The following GNAQ variants were observed in gnomAD, a reference collection of about 807,000 sequenced individuals.
GNAQ encodes the protein guanine nucleotide-binding protein G(q) subunit alpha.
GNAQ carries 8 observed loss-of-function variants against 43.9 expected under a neutral mutation model. The ratio of observed to expected loss-of-function variants is 0.18; its 90% CI spans 0.11 to 0.33. The LOEUF is 0.33. Ranked by LOEUF, GNAQ falls within the 10% of genes least tolerant of loss-of-function variation. The pLI is 1.00. For missense variants in GNAQ, 158 were observed against 450.8 expected (o/e 0.35, Z 5.88); for synonymous variants, 155 against 170.7 (o/e 0.91, Z 0.71).
chr9:77,725,115 A>G (rs1183819907), intron 6 of GNAQ, among the ~76,000 whole-genome samples: 1 of 151,918 alleles, frequency 6.6e-6, no homozygotes, highest in Non-Finnish European at 1.5e-5. Flanking sequence ...CCTACAGAAT[A>G]TAAGAACTAG....
At chr9:77,763,265 A>G (rs1826083533) in intron 5 of GNAQ, among the ~76,000 whole-genome samples, 1 of 152,162 alleles carries the variant, frequency 6.6e-6, no homozygotes, top group South Asian at 2.1e-4. Context: ...AAGGTAACCC[A>G]TGAAAAGGGA....
intron 1 of GNAQ, among the ~76,000 whole-genome samples, chr9:77,978,114 T>A (rs529962235): frequency 6.6e-6 from 1 of 152,234 alleles, no homozygotes; most frequent in East Asian, 1.9e-4. Context: ...AAAGTAAGTG[T>A]CTCTGGGCCC....
At chr9:77,860,295 T>A (rs1227014915) in intron 2 of GNAQ, among the ~76,000 whole-genome samples, 1 of 152,102 alleles carries the variant, frequency 6.6e-6, no homozygotes, top group Non-Finnish European at 1.5e-5. Flanking sequence ...AGACAGCCCA[T>A]CTTTCTGACT....
intron 1 of GNAQ, among the ~76,000 whole-genome samples, chr9:77,943,021 T>C (rs530291889): frequency 5.1e-4 from 78 of 152,360 alleles, no homozygotes; most frequent in South Asian, 4.1e-4. Flanking sequence ...CTGGGAATGA[T>C]GACTTCTTAA....
chr9:77,976,732 G>A (rs1362327638), intron 1 of GNAQ, among the ~76,000 whole-genome samples: 3 of 152,100 alleles, frequency 2.0e-5, no homozygotes, highest in South Asian at 2.1e-4. Context: ...TAAGCTTTTC[G>A]ATTAGTTGGC....
intron 5 of GNAQ, among the ~76,000 whole-genome samples, chr9:77,732,275 A>T (rs1241923568): frequency 6.6e-6 from 1 of 152,098 alleles, no homozygotes; most frequent in Non-Finnish European, 1.5e-5. Context: ...GACAGGTTTA[A>T]AGGCAGTCTG....
intron 1 of GNAQ, among the ~76,000 whole-genome samples, chr9:77,945,997 G>C (rs971013017): frequency 4.6e-5 from 7 of 152,150 alleles, no homozygotes; most frequent in Non-Finnish European, 8.8e-5. Context: ...GAAAATGCTA[G>C]CATGCCTTGC....
chr9:77,946,538 C>G (rs1355065552), intron 1 of GNAQ, among the ~76,000 whole-genome samples: 1 of 152,300 alleles, frequency 6.6e-6, no homozygotes, highest in South Asian at 2.1e-4. Flanking sequence ...CACAAACCAA[C>G]GTGCAAAACC....
intron 2 of GNAQ, among the ~76,000 whole-genome samples, chr9:77,844,804 C>T (rs987238995): frequency 2.6e-5 from 4 of 152,044 alleles, no homozygotes; most frequent in African/African-American, 9.7e-5. Context: ...TCCCGAGTAG[C>T]TGGGATTACA....
chr9:77,732,190 G>A (rs1052258238), intron 5 of GNAQ, among the ~76,000 whole-genome samples: 1 of 152,116 alleles, frequency 6.6e-6, no homozygotes, highest in Non-Finnish European at 1.5e-5. Flanking sequence ...AGAGCATGAC[G>A]TTTCAAGAGG....
At chr9:77,897,068 GCCAACCC>G (rs1828516062) in intron 2 of GNAQ, among the ~76,000 whole-genome samples, 1 of 152,204 alleles carries the variant, frequency 6.6e-6, no homozygotes, top group African/African-American at 2.4e-5. Flanking sequence ...TAGGAACTCT[GCCAACCC>G]GCCCCTTTGC....
At chr9:77,891,909 T>C (rs1196162240) in intron 2 of GNAQ, among the ~76,000 whole-genome samples, 2 of 152,190 alleles carry the variant, frequency 1.3e-5, no homozygotes, top group Non-Finnish European at 2.9e-5. Context: ...AACTACAGCT[T>C]TGAAGCCAGG....
chr9:77,972,631 C>T (rs1047585528), intron 1 of GNAQ, among the ~76,000 whole-genome samples: 2 of 151,984 alleles, frequency 1.3e-5, no homozygotes, highest in Non-Finnish European at 2.9e-5. Context: ...TAACAGGAAA[C>T]GTAGGACCCA....
chr9:78,009,018 G>A (rs1198263630), intron 1 of GNAQ, among the ~76,000 whole-genome samples: 1 of 152,236 alleles, frequency 6.6e-6, no homozygotes, highest in Non-Finnish European at 1.5e-5. Flanking sequence ...AGATTTCTAA[G>A]TTGGCTTTCT....
chr9:77,825,007 G>C (rs1353410944), intron 2 of GNAQ, among the ~76,000 whole-genome samples: 1 of 152,128 alleles, frequency 6.6e-6, no homozygotes, highest in Non-Finnish European at 1.5e-5. Context: ...TCATCTTTGG[G>C]CACAGTCTTC....
intron 5 of GNAQ, among the ~76,000 whole-genome samples, chr9:77,773,992 C>CT (rs200997606): frequency 0.012 from 1,851 of 151,436 alleles, 35 homozygotes; most frequent in African/African-American, 0.041. Context: ...AATTCTTCTT[C>CT]TTCTTTTTTT....
At chr9:77,962,539 C>G (rs181771722) in intron 1 of GNAQ, among the ~76,000 whole-genome samples, 31 of 152,150 alleles carry the variant, frequency 2.0e-4, no homozygotes, top group African/African-American at 7.0e-4. Flanking sequence ...AAAAGATACA[C>G]CATGCTAACA....
In GNAQ at chr9:77,790,592, G is replaced by T. The variant is rs147245292; in HGVS notation, c.735+3871C>A. 3.7e-4 allele frequency among the ~76,000 whole-genome samples: 56 copies of T among 152,364 alleles called. No homozygotes were observed. The East Asian group carries it at 8.9e-3, about 24-fold the overall frequency. On this transcript the variant is annotated intron_variant, in intron 5 of 6. Transcript: ENST00000286548. ...GGTCTACTACTACCAATTGGTGTAA[G>T]AAGAGCTTAGAGGTAGAGGAGAGTT...
At chr9:77,927,702 T>G (rs536526779) in intron 1 of GNAQ, among the ~76,000 whole-genome samples, 2 of 152,226 alleles carry the variant, frequency 1.3e-5, no homozygotes, top group African/African-American at 4.8e-5. Flanking sequence ...TTACCAAAAC[T>G]GTGGCATTTA....
Sources: allele counts gnomAD v4.1 joint callset (sites outside exome capture counted in the v4.1 genomes callset), GRCh38; gene constraint gnomAD v4.1.1; transcripts MANE v1.5; gene names NCBI Gene and HGNC (gene_info 2026-07-23, HGNC 2026-07-21).